The following ST3GAL6 variants were observed in gnomAD, a reference collection of about 807,000 sequenced individuals.
ST3GAL6 encodes type 2 lactosamine alpha-2,3-sialyltransferase.
Under a neutral mutation model 40.5 loss-of-function variants are expected in ST3GAL6, and 31 were observed. The ratio of observed to expected loss-of-function variants is 0.77; its 90% CI spans 0.58 to 1.03. The LOEUF (loss-of-function observed/expected upper bound fraction) is 1.03. Ranked by LOEUF, ST3GAL6 falls within the 50% of genes least tolerant of loss-of-function variation. ST3GAL6 has a pLI of 0.00. For synonymous variants in ST3GAL6, 129 were observed against 136.9 expected (o/e 0.94, Z 0.40); for missense variants, 357 against 393.2 (o/e 0.91, Z 0.78).
At chr3:98,761,231 G>A (rs1937724432), upstream of ST3GAL6, among the ~76,000 whole-genome samples, 1 of 152,070 alleles carries the variant, frequency 6.6e-6, no homozygotes, top group South Asian at 2.1e-4. Context: ...GATTACTTGA[G>A]CCCAGAAGTT....
At chr3:98,735,082 C>T (rs1233497943) in intron 1 of ST3GAL6, among the ~76,000 whole-genome samples, 2 of 152,200 alleles carry the variant, frequency 1.3e-5, no homozygotes, top group African/African-American at 4.8e-5. Flanking sequence ...TCCTATTTGG[C>T]ACCCACTCTG....
In ST3GAL6 at chr3:98,793,814, C is replaced by A. The variant is rs992189731; in HGVS notation, c.*53C>A. The A allele has an allele frequency of 1.1e-5, 13 of 1,169,894 alleles. No homozygotes were observed. Among genetic ancestry groups the A allele is most frequent in the East Asian group, 7.5e-5 (3 of 40,158 alleles). 72.5% of individuals were successfully genotyped at this position (1,169,894 alleles called of 1,614,324 possible). A position where few individuals can be genotyped will look rare whatever the true frequency, so the allele number is the denominator to read the frequency against. ...CAGTGTTAGTTTTATTTTTGTACTG[C>A]AATTTTTAGTTTAAAATATGTTGGA... is the stretch of plus-strand genomic sequence containing the variant. On this transcript the variant is annotated 3_prime_UTR_variant, in exon 10 of 10. Transcript: ENST00000483910.
In ST3GAL6 at chr3:98,793,981, T is replaced by C; in HGVS notation, c.*220T>C. 2.9e-6 allele frequency: 1 copy of C among 349,444 alleles called. No individual in the cohort carries two copies. Among genetic ancestry groups the C allele is most frequent in the Non-Finnish European group, 5.1e-6 (1 of 194,546 alleles). 21.6% of individuals were successfully genotyped at this position (349,444 alleles called of 1,614,324 possible). On this transcript the variant is annotated 3_prime_UTR_variant, in exon 10 of 10. Coordinates refer to ENST00000483910, the MANE Select transcript of ST3GAL6 (RefSeq NM_001323368.2). ...AACAGGAAAATAAGTTTTGATTGCA[T>C]TGTTTTTAAAATAAGCTAGTTTTCT...
intron 5 of ST3GAL6, among the ~76,000 whole-genome samples, chr3:98,775,658 C>A (rs1319745023): frequency 6.6e-6 from 1 of 152,086 alleles, no homozygotes; most frequent in Admixed American, 6.5e-5. Flanking sequence ...GCTTTCATAA[C>A]CCCTTGTCCC....
chr3:98,782,993 C>T (rs73136038), intron 5 of ST3GAL6: 41,305 of 314,038 alleles, frequency 0.13, 3,085 homozygotes, highest in Middle Eastern at 0.19. Flanking sequence ...CAAATGTGGT[C>T]CTGGCATTGT....
At chr3:98,772,152 A>AG (rs35352162) in intron 3 of ST3GAL6, 62,893 of 152,044 alleles carry the variant, frequency 0.41, 13,207 homozygotes, top group Non-Finnish European at 0.45. Context: ...TTATTCAGCA[A>AG]TATGTAAGTC....
chr3:98,760,176 A>T (rs949922945), upstream of ST3GAL6, among the ~76,000 whole-genome samples: 4 of 152,214 alleles, frequency 2.6e-5, no homozygotes, highest in East Asian at 7.7e-4. Context: ...CCCCTCAAAA[A>T]CTGTTTTCTG....
At chr3:98,752,557 C>T (rs531316696) in intron 1 of ST3GAL6, among the ~76,000 whole-genome samples, 19 of 152,150 alleles carry the variant, frequency 1.2e-4, no homozygotes, top group Middle Eastern at 3.4e-3. Flanking sequence ...CTGCAACCTC[C>T]GCCTCCTGGG....
chr3:98,776,157 A>G (rs141730379), intron 5 of ST3GAL6, among the ~76,000 whole-genome samples: 249 of 152,354 alleles, frequency 1.6e-3, no homozygotes, highest in Admixed American at 6.5e-3. Context: ...CACATGTAGT[A>G]TTAAATTTTG....
At chr3:98,753,002 G>A (rs1236572372) in intron 1 of ST3GAL6, among the ~76,000 whole-genome samples, 1 of 152,182 alleles carries the variant, frequency 6.6e-6, no homozygotes, top group Non-Finnish European at 1.5e-5. Context: ...TCAAGTGAAA[G>A]GATGAGTTGT....
At chr3:98,775,111 C>T (rs1418174220) in intron 5 of ST3GAL6, among the ~76,000 whole-genome samples, 2 of 152,156 alleles carry the variant, frequency 1.3e-5, no homozygotes, top group Non-Finnish European at 2.9e-5. Flanking sequence ...CAGTTTGTTA[C>T]ACTTGGTAAA....
At chr3:98,775,690 T>C (rs753955616) in intron 5 of ST3GAL6, among the ~76,000 whole-genome samples, 4 of 152,204 alleles carry the variant, frequency 2.6e-5, no homozygotes, top group Non-Finnish European at 5.9e-5. Flanking sequence ...TCTGTTTGTG[T>C]ATGCCTCCAT....
chr3:98,792,132 G>GCCCTT, intron 9 of ST3GAL6, 139 bp downstream of exon 9: 2 of 697,846 alleles, frequency 2.9e-6, no homozygotes, highest in Non-Finnish European at 4.2e-6. Flanking sequence ...GGTGATTACA[G>GCCCTT]GGCTACCAAG....
intron 1 of ST3GAL6, among the ~76,000 whole-genome samples, chr3:98,744,604 T>C (rs1407129733): frequency 6.6e-6 from 1 of 152,206 alleles, no homozygotes. Flanking sequence ...CCTGACATGC[T>C]CCAGGTTGAG....
In ST3GAL6 at chr3:98,792,869, C is replaced by T. The variant is rs149349607; in HGVS notation, c.910-806C>T. 9.2e-5 allele frequency among the ~76,000 whole-genome samples: 14 copies of T among 152,128 alleles called. No homozygotes were observed. In the East Asian group the frequency reaches 2.7e-3, roughly 29 times the overall value. On this transcript the variant is annotated intron_variant, in intron 9 of 9. Transcript: ENST00000483910. Reference sequence around the variant, plus strand: ...GAAGGAGTTTCCTAGTTTTGTAATTCTAACTTAAATTAGTAGTGCATCACA... The same window carrying T: ...GAAGGAGTTTCCTAGTTTTGTAATTTTAACTTAAATTAGTAGTGCATCACA...
intron 1 of ST3GAL6, among the ~76,000 whole-genome samples, chr3:98,766,405 CTTTTTTTT>C (rs369996406): frequency 1.2e-4 from 13 of 104,108 alleles, no homozygotes; most frequent in African/African-American, 3.7e-4. Context: ...AAATGTCATT[CTTTTTTTT>C]TTTTTTTTTT....
chr3:98,793,588 A>C, intron 9 of ST3GAL6, 87 bp from the exon 10 acceptor site: 1 of 774,698 alleles, frequency 1.3e-6, no homozygotes, highest in Non-Finnish European at 2.0e-6. Flanking sequence ...CTTTATTCGG[A>C]TTTTTTTAGA....
At chr3:98,743,614 A>G (rs1216986047) in intron 1 of ST3GAL6, among the ~76,000 whole-genome samples, 1 of 152,208 alleles carries the variant, frequency 6.6e-6, no homozygotes, top group African/African-American at 2.4e-5. Context: ...AGTATAGTTC[A>G]ATAAATTTCC....
chr3:98,793,070 T>G (rs1187332927), intron 9 of ST3GAL6, among the ~76,000 whole-genome samples: 1 of 152,100 alleles, frequency 6.6e-6, no homozygotes, highest in African/African-American at 2.4e-5. Flanking sequence ...ACCCCCACCC[T>G]CTGTCCCCAC....
Sources: allele counts gnomAD v4.1 joint callset (sites outside exome capture counted in the v4.1 genomes callset), GRCh38; gene constraint gnomAD v4.1.1; transcripts MANE v1.5; gene names NCBI Gene and HGNC (gene_info 2026-07-23, HGNC 2026-07-21).